The following PTPRD variants were observed in gnomAD, a reference collection of about 807,000 sequenced individuals.
The protein encoded by PTPRD is receptor-type tyrosine-protein phosphatase delta.
A neutral mutation model predicts 214.5 loss-of-function variants in PTPRD; 34 were observed. The observed-to-expected ratio is 0.16, with a 90% CI of 0.12 to 0.21. The LOEUF is 0.21. Among genes scored for constraint, PTPRD ranks in the 10% least tolerant of loss-of-function variants. The pLI is 1.00. For missense variants in PTPRD, 2,545 were observed against 2,398.7 expected (o/e 1.06, Z -1.27); for synonymous variants, 1,128 against 845.7 (o/e 1.33, Z -5.79).
At chr9:9,573,520 T>C (rs1024563126) in intron 8 of PTPRD, among the ~76,000 whole-genome samples, 1 of 151,736 alleles carries the variant, frequency 6.6e-6, no homozygotes, top group East Asian at 1.9e-4. Flanking sequence ...TCTCTATGTA[T>C]ATAAGATAAT....
chr9:10,065,516 T>C (rs2097861576), intron 3 of PTPRD, among the ~76,000 whole-genome samples: 1 of 151,916 alleles, frequency 6.6e-6, no homozygotes, highest in Non-Finnish European at 1.5e-5. Context: ...TTGATTTTTG[T>C]TATAGTGCTC....
intron 3 of PTPRD, among the ~76,000 whole-genome samples, chr9:10,326,959 T>C (rs1434532132): frequency 6.6e-6 from 1 of 151,500 alleles, no homozygotes; most frequent in Non-Finnish European, 1.5e-5. Context: ...GTGAACACTT[T>C]GATAGGAAAC....
intron 11 of PTPRD, among the ~76,000 whole-genome samples, chr9:8,995,915 C>CT (rs2099394815): frequency 6.6e-6 from 1 of 152,018 alleles, no homozygotes; most frequent in Non-Finnish European, 1.5e-5. Flanking sequence ...AAACGTACTT[C>CT]TAGTACAATA....
chr9:8,823,641 G>C (rs971214443), intron 11 of PTPRD, among the ~76,000 whole-genome samples: 1 of 151,130 alleles, frequency 6.6e-6, no homozygotes, highest in Non-Finnish European at 1.5e-5. Flanking sequence ...AACAGAGTGA[G>C]ACCCTGTTTC....
chr9:9,594,592 G>A (rs2093093529), intron 7 of PTPRD, among the ~76,000 whole-genome samples: 1 of 151,962 alleles, frequency 6.6e-6, no homozygotes, highest in South Asian at 2.1e-4. Context: ...AAGTATTTGG[G>A]TTTATTTCTG....
chr9:8,726,704 G>A (rs2098578644), intron 12 of PTPRD, among the ~76,000 whole-genome samples: 1 of 137,278 alleles, frequency 7.3e-6, no homozygotes, highest in African/African-American at 2.7e-5. Context: ...GGGAGGCTAA[G>A]GCAGGAGAAT....
intron 8 of PTPRD, among the ~76,000 whole-genome samples, chr9:9,463,332 A>G (rs12686617): frequency 0.58 from 88,701 of 151,926 alleles, 26,469 homozygotes; most frequent in East Asian, 0.69. Flanking sequence ...TACATTAACC[A>G]AATCTAGACT....
chr9:10,299,789 A>G (rs1337074104), intron 3 of PTPRD, among the ~76,000 whole-genome samples: 1 of 152,202 alleles, frequency 6.6e-6, no homozygotes, highest in Non-Finnish European at 1.5e-5. Flanking sequence ...ATGAATGGTA[A>G]GGCAAATACT....
At chr9:8,406,100 T>G (rs1216446737) in intron 35 of PTPRD, among the ~76,000 whole-genome samples, 1 of 152,176 alleles carries the variant, frequency 6.6e-6, no homozygotes, top group Non-Finnish European at 1.5e-5. Context: ...TGAGCAGTAT[T>G]CAGGAAAATA....
intron 5 of PTPRD, among the ~76,000 whole-genome samples, chr9:9,834,306 T>G (rs2056050551): frequency 6.6e-6 from 1 of 152,010 alleles, no homozygotes; most frequent in South Asian, 2.1e-4. Flanking sequence ...TGTGGAAATT[T>G]ATCATAATCT....
chr9:8,655,447 T>C (rs2096890340), intron 12 of PTPRD, among the ~76,000 whole-genome samples: 1 of 152,180 alleles, frequency 6.6e-6, no homozygotes, highest in African/African-American at 2.4e-5. Flanking sequence ...ACAGTGGTCC[T>C]TCACCCCTGA....
At chr9:9,477,528 A>G (rs1391859591) in intron 8 of PTPRD, among the ~76,000 whole-genome samples, 1 of 152,174 alleles carries the variant, frequency 6.6e-6, no homozygotes, top group African/African-American at 2.4e-5. Context: ...ATTTCCACAC[A>G]TTATTTATTT....
chr9:9,832,914 G>C (rs1408134), intron 5 of PTPRD, among the ~76,000 whole-genome samples: 54,514 of 150,134 alleles, frequency 0.36, 10,236 homozygotes, highest in African/African-American at 0.44. Flanking sequence ...TCCCATATGA[G>C]AGAGGAAAAA....
chr9:10,276,058 G>C (rs987885333), intron 3 of PTPRD, among the ~76,000 whole-genome samples: 1 of 152,154 alleles, frequency 6.6e-6, no homozygotes, highest in African/African-American at 2.4e-5. Context: ...CTAATGTTTA[G>C]CACAGGATTG....
At chr9:8,628,114 G>A (rs2096110744) in intron 14 of PTPRD, among the ~76,000 whole-genome samples, 2 of 151,812 alleles carry the variant, frequency 1.3e-5, no homozygotes, top group African/African-American at 4.8e-5. Flanking sequence ...AAGCAGCTGT[G>A]CTTTGTTCTT....
intron 2 of PTPRD, among the ~76,000 whole-genome samples, chr9:10,359,932 T>C (rs1327905113): frequency 1.3e-5 from 2 of 152,152 alleles, no homozygotes; most frequent in African/African-American, 2.4e-5. Flanking sequence ...ACAGGGAGAA[T>C]TGTATATGTT....
intron 3 of PTPRD, among the ~76,000 whole-genome samples, chr9:10,246,878 G>A (rs1293218968): frequency 1.3e-5 from 2 of 151,238 alleles, no homozygotes; most frequent in African/African-American, 4.9e-5. Context: ...TGGGCAACAA[G>A]AGCAAAACTC....
chr9:10,004,789 T>C (rs574846688), intron 4 of PTPRD, among the ~76,000 whole-genome samples: 3 of 152,112 alleles, frequency 2.0e-5, no homozygotes, highest in Admixed American at 2.0e-4. Flanking sequence ...TTTACAGTAG[T>C]GTATTCAATA....
intron 9 of PTPRD, among the ~76,000 whole-genome samples, chr9:9,315,833 C>CTTTTTTTTTTTTTTT (rs566821610): frequency 2.1e-5 from 2 of 93,326 alleles, no homozygotes; most frequent in Non-Finnish European, 4.3e-5. Context: ...TAGCAGACAA[C>CTTTTTTTTTTTTTTT]TTTTTTTTTT....
Sources: gnomAD v4.1 joint callset for allele counts (sites outside exome capture counted in the v4.1 genomes callset) on GRCh38, gnomAD v4.1.1 for gene constraint, MANE v1.5 for transcripts, NCBI Gene and HGNC (gene_info 2026-07-23, HGNC 2026-07-21) for gene names.